Variants in ADAMTS19 observed in about 807,000 individuals in gnomAD.
ADAMTS19 encodes the protein ADAM metallopeptidase with thrombospondin type 1 motif 19.
In ADAMTS19, 93 loss-of-function variants were observed where a neutral mutation model predicts 153.3. The ratio of observed to expected loss-of-function variants is 0.61; its 90% CI spans 0.51 to 0.72. ADAMTS19 has a LOEUF of 0.72. Among genes scored for constraint, ADAMTS19 ranks in the 30% least tolerant of loss-of-function variants. ADAMTS19 has a pLI of 0.00. For missense variants in ADAMTS19, 1,482 were observed against 1,552.1 expected (o/e 0.95, Z 0.76); for synonymous variants, 600 against 556.6 (o/e 1.08, Z -1.10).
chr5:129,678,902 G>T (rs918028051), intron 16 of ADAMTS19, among the ~76,000 whole-genome samples: 11 of 152,058 alleles, frequency 7.2e-5, no homozygotes, highest in Non-Finnish European at 1.5e-4. Context: ...ATGTAATTTT[G>T]ACATAGCCTT....
At chr5:129,528,379 A>G (rs1294312768) in intron 5 of ADAMTS19, 141 bp from the exon 6 acceptor site, 2 of 565,004 alleles carry the variant, frequency 3.5e-6, no homozygotes, top group Non-Finnish European at 5.6e-6. Flanking sequence ...TTAAACCTGC[A>G]TGTCTTCCAG....
chr5:129,466,415 A>G (rs1172244777), intron 2 of ADAMTS19, among the ~76,000 whole-genome samples: 2 of 152,194 alleles, frequency 1.3e-5, no homozygotes, highest in Non-Finnish European at 2.9e-5. Context: ...TCTAATGCCC[A>G]GAAGAAAAAG....
intron 11 of ADAMTS19, among the ~76,000 whole-genome samples, 183 bp downstream of exon 11, chr5:129,642,143 G>A (rs1752818801): frequency 6.6e-6 from 1 of 151,562 alleles, no homozygotes; most frequent in African/African-American, 2.4e-5. Flanking sequence ...TGGTTGTTTT[G>A]TTAATATCAA....
At chr5:129,692,206 C>G (rs1755368662) in intron 18 of ADAMTS19, among the ~76,000 whole-genome samples, 1 of 151,984 alleles carries the variant, frequency 6.6e-6, no homozygotes, top group Non-Finnish European at 1.5e-5. Context: ...TGCATAATAT[C>G]TATTTGATAT....
At chr5:129,539,831 C>T (rs1752596330) in intron 6 of ADAMTS19, among the ~76,000 whole-genome samples, 1 of 152,034 alleles carries the variant, frequency 6.6e-6, no homozygotes, top group South Asian at 2.1e-4. Flanking sequence ...ACTGTTCTCC[C>T]TTTACTCACT....
intron 8 of ADAMTS19, among the ~76,000 whole-genome samples, chr5:129,608,200 G>A (rs890406457): frequency 6.8e-6 from 1 of 146,898 alleles, no homozygotes; most frequent in Admixed American, 7.0e-5. Flanking sequence ...CAGTGTGGAT[G>A]AAACTTGAGG....
At chr5:129,642,896 T>C (rs1752860787) in intron 11 of ADAMTS19, among the ~76,000 whole-genome samples, 1 of 152,096 alleles carries the variant, frequency 6.6e-6, no homozygotes, top group Non-Finnish European at 1.5e-5. Flanking sequence ...CAGACGCACC[T>C]ACACACACTC....
chr5:129,504,566 T>C (rs534710185), intron 2 of ADAMTS19, among the ~76,000 whole-genome samples: 1 of 152,288 alleles, frequency 6.6e-6, no homozygotes, highest in South Asian at 2.1e-4. Flanking sequence ...ATGCATCATT[T>C]TTAATTACAG....
intron 2 of ADAMTS19, among the ~76,000 whole-genome samples, chr5:129,502,005 G>A (rs1393084042): frequency 6.6e-6 from 1 of 152,052 alleles, no homozygotes; most frequent in African/African-American, 2.4e-5. Context: ...TAATCTTGAA[G>A]GGTGGCGGTG....
chr5:129,727,512 G>A (rs17839586), intron 21 of ADAMTS19, among the ~76,000 whole-genome samples: 74,347 of 151,946 alleles, frequency 0.49, 19,321 homozygotes, highest in Non-Finnish European at 0.58. Context: ...GAAATATTTC[G>A]GTTTTAACAT....
chr5:129,638,150 T>C (rs2127015169), intron 10 of ADAMTS19, among the ~76,000 whole-genome samples: 1 of 152,286 alleles, frequency 6.6e-6, no homozygotes, highest in East Asian at 1.9e-4. Flanking sequence ...ATGCTCTCTT[T>C]TTCTGTTCTC....
intron 7 of ADAMTS19, among the ~76,000 whole-genome samples, chr5:129,582,516 A>G (rs970407074): frequency 2.6e-5 from 4 of 151,942 alleles, no homozygotes; most frequent in African/African-American, 9.7e-5. Flanking sequence ...TCATGAATAC[A>G]GCATACTGAT....
At chr5:129,633,361 T>C (rs1252645986) in intron 10 of ADAMTS19, among the ~76,000 whole-genome samples, 1 of 152,158 alleles carries the variant, frequency 6.6e-6, no homozygotes, top group Non-Finnish European at 1.5e-5. Flanking sequence ...AGGTTTGAAT[T>C]GTTTATTTAC....
intron 2 of ADAMTS19, among the ~76,000 whole-genome samples, chr5:129,498,749 T>C (rs1751005417): frequency 6.6e-6 from 1 of 151,856 alleles, no homozygotes; most frequent in Non-Finnish European, 1.5e-5. Flanking sequence ...TCAAATGCCA[T>C]CTCCTTAGTT....
At chr5:129,535,212 A>C (rs1434731176) in intron 6 of ADAMTS19, among the ~76,000 whole-genome samples, 4 of 152,224 alleles carry the variant, frequency 2.6e-5, no homozygotes, top group African/African-American at 7.2e-5. Flanking sequence ...CAACTTCAGC[A>C]AATTCTCAGG....
chr5:129,460,386 C>A lies in ADAMTS19; in HGVS notation c.-6C>A. On this transcript the variant is annotated 5_prime_UTR_variant, in exon 1 of 23. Coordinates refer to ENST00000274487, the MANE Select transcript of ADAMTS19 (RefSeq NM_133638.6). ...GGGCGAGAAGCCGCGGCCGCGGGAG[C>A]GCAGTATGGGGAAGAACCGCGAGAT... The A allele has an allele frequency of 6.2e-7, 1 of 1,612,548 alleles. No individual in the cohort carries two copies. The highest frequency in any genetic ancestry group is 1.1e-5 in the South Asian group (1 of 91,064).
chr5:129,581,517 G>T (rs1334635676), intron 7 of ADAMTS19, among the ~76,000 whole-genome samples: 1 of 150,428 alleles, frequency 6.6e-6, no homozygotes, highest in African/African-American at 2.4e-5. Context: ...CTGGCTAGTG[G>T]TCTATATATT....
intron 7 of ADAMTS19, among the ~76,000 whole-genome samples, chr5:129,574,549 T>A (rs1370354415): frequency 1.3e-5 from 2 of 152,038 alleles, no homozygotes; most frequent in African/African-American, 4.8e-5. Flanking sequence ...GAAAACTGAC[T>A]TTTTTATAGT....
rs368436246 is a variant in ADAMTS19 at position 129,570,692 on chromosome 5, T to G, written c.1372+18785T>G. Among the ~76,000 whole-genome samples, 98 of 151,822 alleles carry G rather than the reference T, an allele frequency of 6.5e-4. 2 individuals are homozygous for G. In the South Asian group the frequency reaches 0.02, roughly 31 times the overall value. On this transcript the variant is annotated intron_variant, in intron 7 of 22. Coordinates refer to ENST00000274487, the MANE Select transcript of ADAMTS19 (RefSeq NM_133638.6). ...AACATAAAAACAAGTATTAGCAAAT[T>G]GAATTGAGAAATATACGAATAACAG...
Sources: allele counts gnomAD v4.1 joint callset (sites outside exome capture counted in the v4.1 genomes callset), GRCh38; gene constraint gnomAD v4.1.1; transcripts MANE v1.5; gene names NCBI Gene and HGNC (gene_info 2026-07-23, HGNC 2026-07-21).